The following ASTN2 variants were observed in gnomAD, a reference collection of about 807,000 sequenced individuals.
ASTN2 encodes astrotactin 2.
ASTN2 carries 54 observed loss-of-function variants against 139.8 expected under a neutral mutation model. That is an observed-to-expected ratio of 0.39 (90% CI 0.31 to 0.48). The LOEUF (loss-of-function observed/expected upper bound fraction) is 0.48. ASTN2 is among the 20% of genes least tolerant of loss of function. The probability of loss-of-function intolerance (pLI) is 0.95; values close to 1 mark genes in which losing one functional copy is unlikely to be tolerated. For missense variants in ASTN2, 1,565 were observed against 1,725.1 expected (o/e 0.91, Z 1.64); for synonymous variants, 756 against 719.5 (o/e 1.05, Z -0.81).
intron 6 of ASTN2, among the ~76,000 whole-genome samples, chr9:117,013,976 T>C (rs1837605627): frequency 1.3e-5 from 2 of 152,292 alleles, no homozygotes; most frequent in Admixed American, 6.5e-5. Flanking sequence ...GGCTAAAAGA[T>C]GGTCTTTACA....
At chr9:116,944,767 T>C (rs1323298191) in intron 10 of ASTN2, among the ~76,000 whole-genome samples, 1 of 151,272 alleles carries the variant, frequency 6.6e-6, no homozygotes, top group Non-Finnish European at 1.5e-5. Flanking sequence ...CAATTTAATG[T>C]GGCTGAAATG....
intron 19 of ASTN2, chr9:116,551,003 G>A (rs1053014786): frequency 6.6e-6 from 1 of 152,298 alleles, no homozygotes; most frequent in African/African-American, 2.4e-5. Flanking sequence ...AGGATGTGGA[G>A]CCAGGAGAGA....
At chr9:116,684,910 T>G (rs1343139417) in intron 16 of ASTN2, among the ~76,000 whole-genome samples, 1 of 152,236 alleles carries the variant, frequency 6.6e-6, no homozygotes, top group Admixed American at 6.5e-5. Flanking sequence ...TGTTCATTCC[T>G]GGGCATAGGC....
chr9:117,165,979 T>A (rs1481174776), intron 3 of ASTN2, among the ~76,000 whole-genome samples: 1 of 152,098 alleles, frequency 6.6e-6, no homozygotes, highest in Non-Finnish European at 1.5e-5. Flanking sequence ...ATCTGAGGTT[T>A]CCAAACCTGT....
intron 6 of ASTN2, among the ~76,000 whole-genome samples, chr9:117,020,046 A>ATGTG (rs1297935253): frequency 2.3e-5 from 2 of 86,512 alleles, no homozygotes; most frequent in Non-Finnish European, 5.0e-5. Context: ...GTGTGTGTGT[A>ATGTG]TGTGTGTGTG....
At chr9:117,065,504 G>T (rs1827909331) in intron 5 of ASTN2, among the ~76,000 whole-genome samples, 1 of 152,070 alleles carries the variant, frequency 6.6e-6, no homozygotes, top group African/African-American at 2.4e-5. Flanking sequence ...TCTCCATCAA[G>T]TTCATTTCAG....
intron 16 of ASTN2, among the ~76,000 whole-genome samples, chr9:116,662,800 T>C (rs868085400): frequency 3.3e-5 from 5 of 152,092 alleles, no homozygotes; most frequent in Non-Finnish European, 5.9e-5. Context: ...ACACAAGACA[T>C]TGTGGATCTC....
intron 6 of ASTN2, among the ~76,000 whole-genome samples, chr9:117,014,690 CT>C (rs1837626650): frequency 1.3e-5 from 2 of 152,038 alleles, no homozygotes; most frequent in South Asian, 4.1e-4. Context: ...AAGACAGGGT[CT>C]TCAAAGAGGT....
intron 4 of ASTN2, among the ~76,000 whole-genome samples, chr9:117,111,241 C>T (rs1156762198): frequency 3.3e-5 from 5 of 152,132 alleles, no homozygotes; most frequent in African/African-American, 1.2e-4. Context: ...AAAAGACAAC[C>T]AGCAAAGGCC....
intron 5 of ASTN2, among the ~76,000 whole-genome samples, chr9:117,055,300 C>T (rs1045940187): frequency 2.0e-5 from 3 of 152,160 alleles, no homozygotes; most frequent in Non-Finnish European, 4.4e-5. Context: ...AATCCCAAAG[C>T]GTGAACCATT....
At chr9:117,120,630 C>A (rs991241630) in intron 4 of ASTN2, among the ~76,000 whole-genome samples, 1 of 152,062 alleles carries the variant, frequency 6.6e-6, no homozygotes, top group Non-Finnish European at 1.5e-5. Context: ...CTCTCCCTAG[C>A]CCCCAAATGT....
intron 7 of ASTN2, among the ~76,000 whole-genome samples, chr9:116,993,876 A>ATATATATTTTTTT (rs1030120382): frequency 7.0e-6 from 1 of 142,054 alleles, no homozygotes; most frequent in Non-Finnish European, 1.5e-5. Flanking sequence ...ATATATATAT[A>ATATATATTTTTTT]TTTTAACTAT....
At chr9:117,102,463 G>A (rs1253871038) in intron 4 of ASTN2, among the ~76,000 whole-genome samples, 1 of 152,112 alleles carries the variant, frequency 6.6e-6, no homozygotes, top group Non-Finnish European at 1.5e-5. Context: ...GGACAGAGGT[G>A]ATGGCTGTAC....
At chr9:117,017,743 G>A (rs1377345595) in intron 6 of ASTN2, among the ~76,000 whole-genome samples, 5 of 151,954 alleles carry the variant, frequency 3.3e-5, no homozygotes, top group African/African-American at 1.2e-4. Context: ...ATTTACAATT[G>A]TATATCTGTC....
At chr9:117,162,816 G>T (rs6478282) in intron 3 of ASTN2, among the ~76,000 whole-genome samples, 44,786 of 151,892 alleles carry the variant, frequency 0.29, 6,783 homozygotes, top group African/African-American at 0.35. Context: ...GCCTGGAGGG[G>T]TGAACAGATC....
chr9:117,344,297 G>A (rs1359117005), intron 1 of ASTN2, among the ~76,000 whole-genome samples: 1 of 152,130 alleles, frequency 6.6e-6, no homozygotes, highest in Non-Finnish European at 1.5e-5. Flanking sequence ...AATCCTGCAG[G>A]CAGGTTTGGG....
At chr9:116,787,525 A>G (rs1830406516) in intron 13 of ASTN2, among the ~76,000 whole-genome samples, 1 of 152,204 alleles carries the variant, frequency 6.6e-6, no homozygotes, top group African/African-American at 2.4e-5. Context: ...CAGATGGCCT[A>G]ATCACAGAGA....
intron 13 of ASTN2, among the ~76,000 whole-genome samples, chr9:116,758,788 C>A (rs1013983480): frequency 6.6e-6 from 1 of 152,136 alleles, no homozygotes; most frequent in African/African-American, 2.4e-5. Flanking sequence ...GGGACCAGGG[C>A]CATTGTCTCT....
At chr9:116,751,035 G>A (rs2132153607) in intron 13 of ASTN2, among the ~76,000 whole-genome samples, 1 of 152,230 alleles carries the variant, frequency 6.6e-6, no homozygotes, top group East Asian at 1.9e-4. Context: ...CAGTCATGCT[G>A]AGCCTCAGGT....
Sources: allele counts gnomAD v4.1 joint callset (sites outside exome capture counted in the v4.1 genomes callset), GRCh38; gene constraint gnomAD v4.1.1; transcripts MANE v1.5; gene names NCBI Gene and HGNC (gene_info 2026-07-23, HGNC 2026-07-21).